TAFA2: variants seen among roughly 807,000 people sequenced by gnomAD.
TAFA2 encodes TAFA chemokine like family member 2.
TAFA2 carries 7 observed loss-of-function variants against 18.8 expected under a neutral mutation model. The ratio of observed to expected loss-of-function variants is 0.37; its 90% CI spans 0.21 to 0.70. The LOEUF is 0.70. Ranked by LOEUF, TAFA2 falls within the 30% of genes least tolerant of loss-of-function variation. The pLI, the probability that TAFA2 is intolerant of heterozygous loss-of-function variation, is 0.53. For synonymous variants in TAFA2, 60 were observed against 54.2 expected, an observed-to-expected ratio of 1.11 and a Z score of -0.47; for missense variants, 122 against 158.1, an observed-to-expected ratio of 0.77 and a Z score of 1.23.
rs1468893798 is a variant in TAFA2, at chr12:61,879,705, A to AGAG, written c.-1-12280_-1-12279insCTC. ...GAGGCCAAGTGGAGCCTCCTGCAGC[A>AGAG]GCAGAAGATGGCTCAGAGCAACATG... On this transcript the variant is annotated intron_variant, in intron 1 of 4. Coordinates refer to ENST00000416284, the MANE Select transcript of TAFA2 (RefSeq NM_178539.5). 4 of 1,128,078 alleles carry AGAG rather than the reference A, an allele frequency of 3.5e-6. No homozygotes were observed. The African/African-American group carries it at 6.1e-5, about 17-fold the overall frequency. 69.9% of individuals were successfully genotyped at this position (1,128,078 alleles called of 1,614,324 possible).
At chr12:61,859,949 A>G (rs1437358957) in intron 2 of TAFA2, among the ~76,000 whole-genome samples, 1 of 152,240 alleles carries the variant, frequency 6.6e-6, no homozygotes, top group African/African-American at 2.4e-5. Flanking sequence ...AAACATTTTA[A>G]CATAAAAAAG....
At chr12:62,218,893 T>C (rs1433273608) in intron 1 of TAFA2, among the ~76,000 whole-genome samples, 2 of 152,132 alleles carry the variant, frequency 1.3e-5, no homozygotes, top group African/African-American at 2.4e-5. Context: ...CACATTTACA[T>C]AGGAGATTCA....
At chr12:62,043,483 G>C (rs1881821569) in intron 1 of TAFA2, among the ~76,000 whole-genome samples, 1 of 152,046 alleles carries the variant, frequency 6.6e-6, no homozygotes, top group South Asian at 2.1e-4. Context: ...GTAGGGGGGA[G>C]GGATAGCATT....
At chr12:62,237,885 CAGA>C (rs1339373111) in intron 1 of TAFA2, among the ~76,000 whole-genome samples, 1 of 152,180 alleles carries the variant, frequency 6.6e-6, no homozygotes, top group Non-Finnish European at 1.5e-5. Flanking sequence ...AGTTCATGCA[CAGA>C]AGACCAATGG....
intron 1 of TAFA2, among the ~76,000 whole-genome samples, chr12:62,141,270 T>G (rs1042531574): frequency 6.6e-6 from 1 of 152,208 alleles, no homozygotes; most frequent in African/African-American, 2.4e-5. Context: ...GCCTGTGTGT[T>G]CTGTCTATGT....
chr12:62,184,498 A>ATTTTTTTT (rs2062572041), intron 1 of TAFA2, among the ~76,000 whole-genome samples: 1 of 22,492 alleles, frequency 4.4e-5, no homozygotes, highest in Non-Finnish European at 9.5e-5. Context: ...GGAAAAAAAA[A>ATTTTTTTT]ATTCTTTTTT....
chr12:61,766,614 A>T (rs1365352745), intron 2 of TAFA2, among the ~76,000 whole-genome samples: 3 of 152,116 alleles, frequency 2.0e-5, no homozygotes, highest in Non-Finnish European at 4.4e-5. Context: ...TGTTTCCCCT[A>T]CTAAATTTTG....
chr12:62,045,955 A>G (rs908112982), intron 1 of TAFA2, among the ~76,000 whole-genome samples: 2 of 152,160 alleles, frequency 1.3e-5, no homozygotes, highest in Non-Finnish European at 2.9e-5. Context: ...GAGCTAACGG[A>G]GAACTTAAGA....
chr12:61,839,966 A>G (rs190985141), intron 2 of TAFA2, among the ~76,000 whole-genome samples: 1 of 152,112 alleles, frequency 6.6e-6, no homozygotes, highest in Non-Finnish European at 1.5e-5. Flanking sequence ...CATGAGGAAA[A>G]GATTTCAGAC....
At chr12:61,903,469 G>T (rs1054128630) in intron 1 of TAFA2, among the ~76,000 whole-genome samples, 1 of 151,962 alleles carries the variant, frequency 6.6e-6, no homozygotes, top group East Asian at 1.9e-4. Flanking sequence ...AAATGTTTTG[G>T]TATATTTTCT....
chr12:62,255,872 A>G lies in TAFA2; in HGVS notation c.-130+2891T>C, dbSNP rs573723453. Among the ~76,000 whole-genome samples the G allele has an allele frequency of 2.6e-5, 4 of 152,156 alleles. No individual in the cohort carries two copies. The East Asian group carries it at 7.8e-4, about 30-fold the overall frequency. On this transcript the variant is annotated intron_variant, in intron 1 of 5. Transcript: ENST00000551619. ...ACTCTGTCTCAAATAAATAAAAACA[A>G]ATCAATTTAGTTCTATTAGCATGTA... is the stretch of plus-strand genomic sequence containing the variant.
chr12:61,871,976 T>C (rs146643344), intron 1 of TAFA2, among the ~76,000 whole-genome samples: 1,686 of 152,084 alleles, frequency 0.011, 32 homozygotes, highest in African/African-American at 0.038. Context: ...CCTGTAGTCC[T>C]AGCTACTCGG....
chr12:61,973,492 A>C (rs2136667854), intron 1 of TAFA2, among the ~76,000 whole-genome samples: 1 of 151,056 alleles, frequency 6.6e-6, no homozygotes, highest in East Asian at 2.0e-4. Context: ...TTATAGATTA[A>C]CACAGTAGTT....
chr12:61,912,333 C>T (rs1876643983), intron 1 of TAFA2, among the ~76,000 whole-genome samples: 1 of 152,116 alleles, frequency 6.6e-6, no homozygotes. Context: ...TGGATATTGA[C>T]ACTTGAGTTG....
At chr12:62,147,628 G>T (rs1436540336) in intron 1 of TAFA2, among the ~76,000 whole-genome samples, 1 of 149,216 alleles carries the variant, frequency 6.7e-6, no homozygotes, top group African/African-American at 2.5e-5. Flanking sequence ...TACTTGGGAG[G>T]CTGAGGCAGG....
At chr12:62,063,722 A>G (rs3910827) in intron 1 of TAFA2, among the ~76,000 whole-genome samples, 2,908 of 152,280 alleles carry the variant, frequency 0.019, 98 homozygotes, top group African/African-American at 0.067. Context: ...TAATAGAGAC[A>G]TACAACATAC....
At chr12:62,067,348 G>A (rs1882516881) in intron 1 of TAFA2, among the ~76,000 whole-genome samples, 1 of 151,864 alleles carries the variant, frequency 6.6e-6, no homozygotes, top group African/African-American at 2.4e-5. Flanking sequence ...TTTTGCTTTG[G>A]TTGCCTGTGC....
intron 1 of TAFA2, among the ~76,000 whole-genome samples, chr12:62,181,107 T>G (rs2136951279): frequency 6.6e-6 from 1 of 152,336 alleles, no homozygotes; most frequent in Admixed American, 6.5e-5. Flanking sequence ...CTAGAATGTA[T>G]TTGTTAATTC....
At chr12:61,996,996 T>C (rs546948917) in intron 1 of TAFA2, among the ~76,000 whole-genome samples, 7 of 152,268 alleles carry the variant, frequency 4.6e-5, no homozygotes, top group African/African-American at 1.7e-4. Context: ...CACTATTATC[T>C]AGGCTCTCTT....
Sources: allele counts gnomAD v4.1 joint callset (sites outside exome capture counted in the v4.1 genomes callset), GRCh38; gene constraint gnomAD v4.1.1; transcripts MANE v1.5; gene names NCBI Gene and HGNC (gene_info 2026-07-23, HGNC 2026-07-21).